JAZF1: variants seen among roughly 807,000 people sequenced by gnomAD.
The protein encoded by JAZF1 is juxtaposed with another zinc finger protein 1.
In JAZF1, 8 loss-of-function variants were observed where a neutral mutation model predicts 26.4. The ratio of observed to expected loss-of-function variants is 0.30; its 90% CI spans 0.18 to 0.55. JAZF1 has a LOEUF of 0.55. Among genes scored for constraint, JAZF1 ranks in the 20% least tolerant of loss-of-function variants. JAZF1 has a pLI of 0.94. For missense variants in JAZF1, 199 were observed against 322.0 expected, an observed-to-expected ratio of 0.62 and a Z score of 2.92; for synonymous variants, 126 against 122.3, an observed-to-expected ratio of 1.03 and a Z score of -0.20.
In JAZF1 at chr7:28,151,188, C is replaced by T. The variant is rs549485638; in HGVS notation, c.115+29275G>A. On this transcript the variant is annotated intron_variant, in intron 1 of 4. Coordinates refer to ENST00000283928, the MANE Select transcript of JAZF1 (RefSeq NM_175061.4). ...GTGCGATCTCAGCTCACTGCAACCT[C>T]CACCTCCCGGGTTCAAGTGATTCTC... Among the ~76,000 whole-genome samples the T allele has an allele frequency of 5.5e-4, 84 of 151,760 alleles. 1 individual carries two copies. The highest frequency in any genetic ancestry group is 1.9e-3 in the African/African-American group (80 of 41,384).
intron 1 of JAZF1, among the ~76,000 whole-genome samples, chr7:28,156,816 G>A (rs1301437993): frequency 6.6e-6 from 1 of 152,138 alleles, no homozygotes; most frequent in East Asian, 1.9e-4. Context: ...TTTAAATTCA[G>A]ATCCTAGAAC....
chr7:28,007,249 C>A (rs1265921516), intron 1 of JAZF1, among the ~76,000 whole-genome samples: 1 of 152,150 alleles, frequency 6.6e-6, no homozygotes, highest in African/African-American at 2.4e-5. Context: ...GGGCAGATCA[C>A]CTGAGGTTAG....
At chr7:27,963,579 G>A (rs1242516717) in intron 2 of JAZF1, among the ~76,000 whole-genome samples, 7 of 58,472 alleles carry the variant, frequency 1.2e-4, no homozygotes, top group African/African-American at 2.0e-4. Flanking sequence ...CTTTTTTTTT[G>A]GAGACAGGGT....
At chr7:28,058,345 A>T (rs1271489938) in intron 1 of JAZF1, among the ~76,000 whole-genome samples, 2 of 152,202 alleles carry the variant, frequency 1.3e-5, no homozygotes, top group Non-Finnish European at 2.9e-5. Context: ...AAGAAGAGCT[A>T]GATGCAGAGA....
intron 1 of JAZF1, among the ~76,000 whole-genome samples, chr7:28,165,451 T>A (rs75909523): frequency 6.6e-6 from 1 of 152,114 alleles, no homozygotes; most frequent in Non-Finnish European, 1.5e-5. Flanking sequence ...AAAAGCAGAA[T>A]GGAAACTAAC....
chr7:28,038,708 A>G (rs961200813), intron 1 of JAZF1, among the ~76,000 whole-genome samples: 1 of 152,302 alleles, frequency 6.6e-6, no homozygotes, highest in Non-Finnish European at 1.5e-5. Context: ...GTCAAAACCC[A>G]ACCAAACAGA....
intron 1 of JAZF1, among the ~76,000 whole-genome samples, chr7:28,178,583 G>A (rs887024865): frequency 6.6e-6 from 1 of 152,120 alleles, no homozygotes. Flanking sequence ...TTGGGAGTAA[G>A]GGGAAGAACT....
intron 2 of JAZF1, among the ~76,000 whole-genome samples, chr7:27,983,040 C>T (rs938063186): frequency 3.9e-5 from 6 of 152,192 alleles, no homozygotes; most frequent in Admixed American, 1.3e-4. Context: ...CTCCTCTTCT[C>T]CTTCAAAGGA....
intron 1 of JAZF1, among the ~76,000 whole-genome samples, chr7:27,994,450 A>AC (rs1367557351): frequency 0.022 from 736 of 34,154 alleles, 10 homozygotes; most frequent in African/African-American, 0.057. Flanking sequence ...ACAAAAAAAA[A>AC]AAAACAAAAA....
chr7:28,016,140 G>A (rs1211042342), intron 1 of JAZF1, among the ~76,000 whole-genome samples: 1 of 152,128 alleles, frequency 6.6e-6, no homozygotes, highest in African/African-American at 2.4e-5. Context: ...ATTTCCCTCT[G>A]CCTTTCTTTG....
At chr7:27,868,402 T>C (rs1783518548) in intron 3 of JAZF1, among the ~76,000 whole-genome samples, 1 of 152,150 alleles carries the variant, frequency 6.6e-6, no homozygotes. Context: ...GCCGCTTGCT[T>C]CTCCCGCTCC....
At chr7:28,173,683 T>C (rs181036431) in intron 1 of JAZF1, among the ~76,000 whole-genome samples, 25 of 152,112 alleles carry the variant, frequency 1.6e-4, no homozygotes, top group Admixed American at 1.6e-3. Context: ...AGTGCTTCCT[T>C]GGGAGGCCAG....
intron 2 of JAZF1, among the ~76,000 whole-genome samples, chr7:27,921,025 G>A (rs1784520715): frequency 1.3e-5 from 2 of 152,178 alleles, no homozygotes. Context: ...TTCTATTTAT[G>A]TGTGTAAGCG....
chr7:27,941,392 GCCTGCAGTTAATCTTTATT>G (rs1784846179), intron 2 of JAZF1, among the ~76,000 whole-genome samples: 1 of 152,096 alleles, frequency 6.6e-6, no homozygotes, highest in Non-Finnish European at 1.5e-5. Context: ...TTTTCTTTCA[GCCTGCAGTTAATCTTTATT>G]CAGCCTTAAT....
intron 3 of JAZF1, among the ~76,000 whole-genome samples, chr7:27,893,963 C>G (rs1294958876): frequency 2.6e-5 from 4 of 152,148 alleles, no homozygotes; most frequent in Admixed American, 2.6e-4. Context: ...GGAAGACATA[C>G]TAGGAAGCCC....
Position 28,071,042 on chromosome 7 carries a change from C to T in JAZF1, c.116-79061G>A, listed in dbSNP as rs951447630. Among the ~76,000 whole-genome samples the T allele has an allele frequency of 3.9e-5, 6 of 152,178 alleles. No individual in the cohort carries two copies. The South Asian group carries it at 6.2e-4, about 16-fold the overall frequency. The stretch of plus-strand genomic sequence containing the variant: ...AGGCATCTTACCTAGAACTGGTTAC[C>T]GGGTGAAGGTAAGATAAACAGAGTA... On this transcript the variant is annotated intron_variant, in intron 1 of 4. Coordinates refer to ENST00000283928, the MANE Select transcript of JAZF1 (RefSeq NM_175061.4).
chr7:27,901,353 A>T (rs894377256), intron 2 of JAZF1, among the ~76,000 whole-genome samples: 2 of 152,244 alleles, frequency 1.3e-5, no homozygotes, highest in African/African-American at 4.8e-5. Flanking sequence ...CACAATGTTC[A>T]TTCAGTCTGA....
chr7:28,109,850 G>A (rs911108658), intron 1 of JAZF1, among the ~76,000 whole-genome samples: 1 of 152,172 alleles, frequency 6.6e-6, no homozygotes, highest in Non-Finnish European at 1.5e-5. Context: ...CAACTGAAGA[G>A]AGAATCAGCC....
chr7:28,177,263 C>T (rs1284521014), intron 1 of JAZF1, among the ~76,000 whole-genome samples: 2 of 151,992 alleles, frequency 1.3e-5, no homozygotes. Flanking sequence ...GAGAAAAGAG[C>T]TAAAAAAGTG....
Sources: gnomAD v4.1 joint callset for allele counts (sites outside exome capture counted in the v4.1 genomes callset) on GRCh38, gnomAD v4.1.1 for gene constraint, MANE v1.5 for transcripts, NCBI Gene and HGNC (gene_info 2026-07-23, HGNC 2026-07-21) for gene names.